Variants in SLC24A3 observed in about 807,000 individuals in gnomAD.
SLC24A3 encodes the protein sodium/potassium/calcium exchanger 3.
Under a neutral mutation model 75.8 loss-of-function variants are expected in SLC24A3, and 28 were observed. The observed-to-expected ratio is 0.37, with a 90% CI of 0.27 to 0.51. The LOEUF (loss-of-function observed/expected upper bound fraction) is 0.51, where lower values mean the gene tolerates loss of function less well. SLC24A3 is among the 20% of genes least tolerant of loss of function. SLC24A3 has a pLI of 0.94. For missense variants in SLC24A3, 663 were observed against 847.8 expected, an observed-to-expected ratio of 0.78 and a Z score of 2.71; for synonymous variants, 372 against 334.1, an observed-to-expected ratio of 1.11 and a Z score of -1.24.
At chr20:19,442,872 A>G (rs1376835480) in intron 2 of SLC24A3, among the ~76,000 whole-genome samples, 1 of 152,152 alleles carries the variant, frequency 6.6e-6, no homozygotes, top group Non-Finnish European at 1.5e-5. Flanking sequence ...TTTTTGGGAA[A>G]GGTGTAATGT....
intron 7 of SLC24A3, among the ~76,000 whole-genome samples, chr20:19,661,385 T>G (rs1225358007): frequency 6.6e-6 from 1 of 152,114 alleles, no homozygotes; most frequent in Non-Finnish European, 1.5e-5. Context: ...ACAGCCAGCT[T>G]CCCAGTGTAT....
chr20:19,411,949 T>G (rs577744041), intron 2 of SLC24A3, among the ~76,000 whole-genome samples: 2 of 152,164 alleles, frequency 1.3e-5, no homozygotes, highest in Non-Finnish European at 2.9e-5. Flanking sequence ...AAAGAAAAGC[T>G]CCATGATAGT....
At chr20:19,699,928 A>T (rs2032852145) in intron 15 of SLC24A3, among the ~76,000 whole-genome samples, 1 of 152,178 alleles carries the variant, frequency 6.6e-6, no homozygotes, top group African/African-American at 2.4e-5. Flanking sequence ...GACATTATAA[A>T]GTTTGGGAAA....
At chr20:19,554,822 G>C (rs2030757041) in intron 3 of SLC24A3, among the ~76,000 whole-genome samples, 1 of 152,200 alleles carries the variant, frequency 6.6e-6, no homozygotes, top group African/African-American at 2.4e-5. Context: ...AAGTGAAAGA[G>C]GAGCAGAAAG....
chr20:19,369,301 G>T (rs866961997), intron 2 of SLC24A3, among the ~76,000 whole-genome samples: 10 of 152,168 alleles, frequency 6.6e-5, no homozygotes, highest in Non-Finnish European at 5.9e-5. Context: ...AAAATGCAGA[G>T]CCTGACTATA....
chr20:19,462,955 G>T (rs1436770519), intron 2 of SLC24A3, among the ~76,000 whole-genome samples: 2 of 152,104 alleles, frequency 1.3e-5, no homozygotes, highest in African/African-American at 4.8e-5. Context: ...GTTTCTAAGT[G>T]CCTGTCCCAC....
At chr20:19,633,880 A>C (rs6046215) in intron 6 of SLC24A3, among the ~76,000 whole-genome samples, 60,345 of 151,962 alleles carry the variant, frequency 0.4, 13,033 homozygotes, top group Non-Finnish European at 0.49. Flanking sequence ...TAATTAAAGC[A>C]TGCAGAGGAA....
chr20:19,301,055 A>T (rs1262911744), intron 2 of SLC24A3, among the ~76,000 whole-genome samples: 1 of 152,126 alleles, frequency 6.6e-6, no homozygotes, highest in South Asian at 2.1e-4. Context: ...AAGTAGTTGC[A>T]GGGTGCATGG....
chr20:19,684,083 G>A, intron 10 of SLC24A3, 93 bp from the exon 11 acceptor site: 2 of 1,400,080 alleles, frequency 1.4e-6, no homozygotes, highest in South Asian at 1.3e-5. Flanking sequence ...AAAGAAGGGA[G>A]GAAGAGAAAA....
chr20:19,226,093 TTTTTCGCCTTAG>T (rs562345053), intron 1 of SLC24A3, among the ~76,000 whole-genome samples: 161 of 152,302 alleles, frequency 1.1e-3, no homozygotes, highest in African/African-American at 3.8e-3. Flanking sequence ...AGTAATTTCC[TTTTTCGCCTTAG>T]TTTTCTGAGA....
At chr20:19,593,738 C>T (rs949333684) in intron 6 of SLC24A3, among the ~76,000 whole-genome samples, 4 of 152,180 alleles carry the variant, frequency 2.6e-5, no homozygotes, top group African/African-American at 9.7e-5. Context: ...TACCCTAAAG[C>T]TCCCTCCACA....
In SLC24A3 at chr20:19,465,717, T is replaced by G. The variant is rs1375802271; in HGVS notation, c.272-49771T>G. On this transcript the variant is annotated intron_variant, in intron 2 of 16. Transcript: ENST00000328041. ...CCCCTTTGTCATAGATGTCAGAAAA[T>G]GTACAGGCAAAGTAGCTGCCCAATT... Among the ~76,000 whole-genome samples, 2 of 152,204 alleles carry G rather than the reference T, an allele frequency of 1.3e-5. 1 individual carries two copies. Among genetic ancestry groups the G allele is most frequent in the South Asian group, 4.1e-4 (2 of 4,822 alleles).
chr20:19,557,182 T>C (rs1199730565), intron 3 of SLC24A3, among the ~76,000 whole-genome samples: 1 of 152,188 alleles, frequency 6.6e-6, no homozygotes, highest in Non-Finnish European at 1.5e-5. Flanking sequence ...TTCTATGGCT[T>C]TTATCCGCTA....
intron 15 of SLC24A3, among the ~76,000 whole-genome samples, chr20:19,701,500 CAT>C (rs1351187871): frequency 1.3e-5 from 2 of 152,182 alleles, no homozygotes; most frequent in Non-Finnish European, 2.9e-5. Context: ...CTCAAACTTG[CAT>C]ATCATGGTCT....
chr20:19,442,782 C>T (rs1227028668), intron 2 of SLC24A3, among the ~76,000 whole-genome samples: 1 of 152,016 alleles, frequency 6.6e-6, no homozygotes, highest in Non-Finnish European at 1.5e-5. Context: ...CCAAGGTCAC[C>T]TATATTTTCT....
intron 2 of SLC24A3, among the ~76,000 whole-genome samples, chr20:19,320,122 A>C (rs1463843707): frequency 6.6e-6 from 1 of 152,208 alleles, no homozygotes; most frequent in Non-Finnish European, 1.5e-5. Flanking sequence ...GTGTGTTTAA[A>C]TAAAAGCTGA....
intron 2 of SLC24A3, among the ~76,000 whole-genome samples, chr20:19,408,448 G>A (rs1373897815): frequency 1.3e-5 from 2 of 149,042 alleles, no homozygotes; most frequent in African/African-American, 2.5e-5. Context: ...GGAGTGCAGT[G>A]GCATAATCTC....
chr20:19,542,837 A>T (rs2030524611), intron 3 of SLC24A3, among the ~76,000 whole-genome samples: 1 of 152,164 alleles, frequency 6.6e-6, no homozygotes, highest in South Asian at 2.1e-4. Flanking sequence ...ACTTGTTTGG[A>T]CATTTATCCA....
At chr20:19,220,716 C>T (rs1413904588) in intron 1 of SLC24A3, among the ~76,000 whole-genome samples, 1 of 152,158 alleles carries the variant, frequency 6.6e-6, no homozygotes, top group Non-Finnish European at 1.5e-5. Context: ...GCTTCTCAGT[C>T]TTGTCTGCAC....
Sources: gnomAD v4.1 joint callset for allele counts (sites outside exome capture counted in the v4.1 genomes callset) on GRCh38, gnomAD v4.1.1 for gene constraint, MANE v1.5 for transcripts, NCBI Gene and HGNC (gene_info 2026-07-23, HGNC 2026-07-21) for gene names.